The following GALNT16 variants were observed in gnomAD, a reference collection of about 807,000 sequenced individuals.
The protein encoded by GALNT16 is UDP-GalNAc:polypeptide N-acetylgalactosaminyltransferase-like protein 1.
Under a neutral mutation model 76.1 loss-of-function variants are expected in GALNT16, and 40 were observed. That is an observed-to-expected ratio of 0.53 (90% confidence interval 0.41 to 0.68). GALNT16 has a LOEUF of 0.68. Ranked by LOEUF, GALNT16 falls within the 30% of genes least tolerant of loss-of-function variation. The pLI is 0.00. For missense variants in GALNT16, 621 were observed against 731.9 expected (o/e 0.85, Z 1.75); for synonymous variants, 276 against 285.2 (o/e 0.97, Z 0.32).
At chr14:69,293,736 G>A (rs1410366887) in intron 1 of GALNT16, among the ~76,000 whole-genome samples, 1 of 152,064 alleles carries the variant, frequency 6.6e-6, no homozygotes, top group Non-Finnish European at 1.5e-5. Context: ...AGGCTTAAGC[G>A]CATTAATATA....
chr14:69,374,861 A>T, the GALNT16 span, among the ~76,000 whole-genome samples: 1 of 152,144 alleles, frequency 6.6e-6, no homozygotes, highest in Non-Finnish European at 1.5e-5. Flanking sequence ...GCAGAAAGCA[A>T]GAAAGAGAGC....
chr14:69,354,350 C>G lies in GALNT16; in HGVS notation c.*2182C>G, dbSNP rs1033035658. The stretch of plus-strand genomic sequence containing the variant: ...TATCAGCCGGTCCTTTGTGGCAACG[C>G]AGCCCTGTTCTGTTTTTGCTTTTCC... On this transcript the variant is annotated 3_prime_UTR_variant, in exon 15 of 15. Coordinates refer to ENST00000448469, the MANE Select transcript of GALNT16 (RefSeq NM_001168368.2). 2 of 152,816 alleles carry G rather than the reference C, an allele frequency of 1.3e-5. No individual in the cohort carries two copies. Among genetic ancestry groups the G allele is most frequent in the African/African-American group, 4.8e-5 (2 of 41,480 alleles). 9.5% of individuals were successfully genotyped at this position (152,816 alleles called of 1,614,324 possible).
chr14:69,362,990 T>A, the GALNT16 span, among the ~76,000 whole-genome samples: 1 of 152,170 alleles, frequency 6.6e-6, no homozygotes, highest in East Asian at 1.9e-4. Flanking sequence ...GAAAGCAAAG[T>A]GAGTTCAGCA....
chr14:69,285,318 C>G (rs551738558), intron 1 of GALNT16, among the ~76,000 whole-genome samples: 1 of 152,228 alleles, frequency 6.6e-6, no homozygotes, highest in African/African-American at 2.4e-5. Flanking sequence ...GCCACTGCAC[C>G]CAGCCTGGGG....
intron 1 of GALNT16, among the ~76,000 whole-genome samples, chr14:69,265,466 G>A (rs1335859579): frequency 6.6e-6 from 1 of 152,218 alleles, no homozygotes; most frequent in Non-Finnish European, 1.5e-5. Context: ...TGCCATTTAA[G>A]GTAGAGGTAG....
Position 69,333,259 on chromosome 14 carries a change from CT to C in GALNT16, c.863+91del, listed in dbSNP as rs1204118664. On this transcript the variant is annotated intron_variant, in intron 8 of 14. Coordinates refer to ENST00000448469, the MANE Select transcript of GALNT16 (RefSeq NM_001168368.2). The surrounding 1 kb of genome is among the most constrained non-coding windows in gnomAD (Gnocchi z 4.2). ...TGGGAGGCTGTATCGGTCGCTTGGG[CT>C]CCTGAGGCGCACTAAGTGCTGACTC... 4 of 876,970 alleles carry C rather than the reference CT, an allele frequency of 4.6e-6. No individual in the cohort carries two copies. Among genetic ancestry groups the C allele is most frequent in the Non-Finnish European group, 7.2e-6 (4 of 555,956 alleles). 54.3% of individuals were successfully genotyped at this position (876,970 alleles called of 1,614,324 possible).
intron 1 of GALNT16, among the ~76,000 whole-genome samples, chr14:69,266,241 A>C (rs2044341362): frequency 6.6e-6 from 1 of 152,156 alleles, no homozygotes; most frequent in Non-Finnish European, 1.5e-5. Context: ...AAATGCAAAA[A>C]CGATACAGAA....
intron 1 of GALNT16, among the ~76,000 whole-genome samples, chr14:69,317,634 T>C (rs1394869725): frequency 6.6e-6 from 1 of 152,208 alleles, no homozygotes; most frequent in African/African-American, 2.4e-5. Context: ...GGGCAGACAT[T>C]GAATCAGGCT....
intron 4 of GALNT16, among the ~76,000 whole-genome samples, chr14:69,325,609 A>G (rs1394542248): frequency 6.6e-6 from 1 of 152,158 alleles, no homozygotes; most frequent in Non-Finnish European, 1.5e-5. Context: ...GTTGCTTTGG[A>G]TGGGACTCTA....
At chr14:69,354,948 C>G (rs1224556553), downstream of GALNT16, 1 of 152,310 alleles carries the variant, frequency 6.6e-6, no homozygotes, top group Non-Finnish European at 1.5e-5. Flanking sequence ...GCAGGACATA[C>G]TTCCTGGGTA....
intron 1 of GALNT16, among the ~76,000 whole-genome samples, chr14:69,292,996 A>G (rs954063765): frequency 2.0e-5 from 3 of 152,254 alleles, no homozygotes; most frequent in East Asian, 1.9e-4. Flanking sequence ...GACTGAACCT[A>G]TTAATCCCTC....
At chr14:69,357,338 A>G (rs1215113491), downstream of GALNT16, 1 of 152,276 alleles carries the variant, frequency 6.6e-6, no homozygotes, top group African/African-American at 2.4e-5. Flanking sequence ...GGTCTGGTGA[A>G]GTCCACTGGC....
the GALNT16 span, chr14:69,380,342 GAA>G: frequency 1.5e-5 from 6 of 397,326 alleles, no homozygotes; most frequent in Middle Eastern, 1.3e-3. Flanking sequence ...AAAAAAAAAA[GAA>G]AGAGAAAGAA....
intron 1 of GALNT16, among the ~76,000 whole-genome samples, chr14:69,281,033 G>A (rs577524207): frequency 6.6e-6 from 1 of 152,026 alleles, no homozygotes; most frequent in Admixed American, 6.6e-5. Context: ...ACCAACCCCC[G>A]AGACCAGGGC....
chr14:69,380,519 C>T, the GALNT16 span: 2 of 1,355,386 alleles, frequency 1.5e-6, no homozygotes, highest in African/African-American at 1.4e-5. Context: ...CCCCAACCCC[C>T]CCAGTGCTTC....
At chr14:69,356,142 G>C (rs2045691088), downstream of GALNT16, 1 of 152,304 alleles carries the variant, frequency 6.6e-6, no homozygotes, top group South Asian at 2.1e-4. Context: ...AATGGGAAGA[G>C]GTCTTCACTG....
intron 1 of GALNT16, among the ~76,000 whole-genome samples, chr14:69,282,581 G>C (rs1033293740): frequency 2.6e-5 from 4 of 152,092 alleles, no homozygotes; most frequent in Admixed American, 6.5e-5. Context: ...ATCTGCCTAA[G>C]TGCGGGCCCT....
At chr14:69,320,507 GAAAAAAAGAA>G (rs55962002) in intron 1 of GALNT16, among the ~76,000 whole-genome samples, 194 bp from the exon 2 acceptor site, 42,821 of 148,078 alleles carry the variant, frequency 0.29, 6,095 homozygotes, top group Admixed American at 0.32. Flanking sequence ...AAAAAAAAAA[GAAAAAAAGAA>G]AAAAAAAGAA....
intron 1 of GALNT16, among the ~76,000 whole-genome samples, chr14:69,286,060 C>T (rs1317166428): frequency 6.6e-6 from 1 of 152,142 alleles, no homozygotes; most frequent in Non-Finnish European, 1.5e-5. Flanking sequence ...TTAACCAGCA[C>T]CTGGCTGGCT....
Sources: gnomAD v4.1 joint callset for allele counts (sites outside exome capture counted in the v4.1 genomes callset) on GRCh38, gnomAD v4.1.1 for gene constraint, Gnocchi (gnomAD v3.1) non-coding constraint, MANE v1.5 for transcripts, NCBI Gene and HGNC (gene_info 2026-07-23, HGNC 2026-07-21) for gene names.